CFAP299: variants seen among roughly 807,000 people sequenced by gnomAD.
CFAP299 encodes cilia- and flagella-associated protein 299.
CFAP299 carries 21 observed loss-of-function variants against 27.0 expected under a neutral mutation model. The ratio of observed to expected loss-of-function variants is 0.78; its 90% CI spans 0.55 to 1.12. The LOEUF (loss-of-function observed/expected upper bound fraction) is 1.12. CFAP299 is among the 50% of genes most tolerant of loss of function. CFAP299 has a pLI of 0.00. For missense variants in CFAP299, 310 were observed against 276.6 expected, an observed-to-expected ratio of 1.12 and a Z score of -0.86; for synonymous variants, 104 against 98.1, an observed-to-expected ratio of 1.06 and a Z score of -0.36.
chr4:80,949,638 G>C (rs1347134409), intron 5 of CFAP299, among the ~76,000 whole-genome samples: 1 of 151,294 alleles, frequency 6.6e-6, no homozygotes, highest in Non-Finnish European at 1.5e-5. Context: ...GAGGGAAAGG[G>C]AGTCAATATC....
At chr4:80,776,589 G>T (rs867882354) in intron 3 of CFAP299, among the ~76,000 whole-genome samples, 1 of 151,968 alleles carries the variant, frequency 6.6e-6, no homozygotes, top group Non-Finnish European at 1.5e-5. Flanking sequence ...CCTGTCGGGG[G>T]ATGAGGGCAA....
intron 2 of CFAP299, among the ~76,000 whole-genome samples, chr4:80,502,865 T>C (rs902379286): frequency 6.6e-6 from 1 of 152,260 alleles, no homozygotes; most frequent in Admixed American, 6.6e-5. Flanking sequence ...CTCAGGACTC[T>C]GGTTTACCCA....
Position 80,949,546 on chromosome 4 carries a change from C to CAA in CFAP299, c.606+4617_606+4618dup, listed in dbSNP as rs66476856. On this transcript the variant is annotated intron_variant, in intron 5 of 5. Coordinates refer to ENST00000358105, the MANE Select transcript of CFAP299 (RefSeq NM_152770.3). ...TAATAAAATTTAAAAACAACAACAA[C>CAA]AAAAAAAAAAAGAAGCAGGATCATA... Among the ~76,000 whole-genome samples the CAA allele has an allele frequency of 1.7e-3, 72 of 43,040 alleles. 1 individual carries two copies. The highest frequency in any genetic ancestry group is 0.011 in the East Asian group (20 of 1,904). 28.2% of individuals were successfully genotyped at this position (43,040 alleles called of 152,430 possible).
chr4:80,754,572 G>T (rs1725127487), intron 3 of CFAP299, among the ~76,000 whole-genome samples: 2 of 151,472 alleles, frequency 1.3e-5, no homozygotes, highest in Non-Finnish European at 2.9e-5. Context: ...TTTTTACAGT[G>T]GTTGCTCTTA....
At chr4:80,890,072 G>A (rs1578215397) in intron 4 of CFAP299, among the ~76,000 whole-genome samples, 1 of 152,158 alleles carries the variant, frequency 6.6e-6, no homozygotes, top group African/African-American at 2.4e-5. Context: ...TCAGGAACAT[G>A]ATAATGATGT....
At chr4:80,663,351 G>A (rs1388691712) in intron 3 of CFAP299, among the ~76,000 whole-genome samples, 1 of 151,630 alleles carries the variant, frequency 6.6e-6, no homozygotes, top group Non-Finnish European at 1.5e-5. Context: ...TGTTCTCATT[G>A]TTCAACCCCC....
chr4:80,618,971 A>G (rs760452213), intron 3 of CFAP299, among the ~76,000 whole-genome samples: 21 of 152,102 alleles, frequency 1.4e-4, no homozygotes, highest in Non-Finnish European at 1.5e-4. Context: ...GAGGAGTATG[A>G]CACCTGTATG....
intron 2 of CFAP299, among the ~76,000 whole-genome samples, chr4:80,568,504 AAGAG>A (rs1244993326): frequency 6.6e-6 from 1 of 152,166 alleles, no homozygotes; most frequent in African/African-American, 2.4e-5. Flanking sequence ...AAGTTGTTGA[AAGAG>A]AGATGACAGT....
chr4:80,680,345 G>A (rs887655394), intron 3 of CFAP299, among the ~76,000 whole-genome samples: 14 of 151,918 alleles, frequency 9.2e-5, no homozygotes, highest in African/African-American at 2.7e-4. Flanking sequence ...TACTTCTAGC[G>A]TAAATCTCAG....
intron 3 of CFAP299, among the ~76,000 whole-genome samples, chr4:80,717,894 A>G (rs1253479116): frequency 6.6e-6 from 1 of 152,124 alleles, no homozygotes; most frequent in African/African-American, 2.4e-5. Flanking sequence ...TTTCACAAAG[A>G]TGTTTTCATT....
At chr4:80,799,708 T>TA (rs1674006110) in intron 3 of CFAP299, among the ~76,000 whole-genome samples, 1 of 55,602 alleles carries the variant, frequency 1.8e-5, no homozygotes, top group African/African-American at 8.2e-5. Context: ...AAAATATATA[T>TA]TTTATATATT....
intron 3 of CFAP299, among the ~76,000 whole-genome samples, chr4:80,728,766 G>T (rs955649902): frequency 1.3e-5 from 2 of 152,232 alleles, no homozygotes; most frequent in Admixed American, 1.3e-4. Context: ...TATCCTAACT[G>T]CGTGCTACCC....
chr4:80,480,991 T>G (rs181869412), intron 2 of CFAP299, among the ~76,000 whole-genome samples: 128 of 152,182 alleles, frequency 8.4e-4, no homozygotes, highest in Non-Finnish European at 1.5e-3. Flanking sequence ...TATATATTAT[T>G]TTATATTCAT....
At chr4:80,812,756 A>G (rs1729222088) in intron 3 of CFAP299, among the ~76,000 whole-genome samples, 1 of 152,122 alleles carries the variant, frequency 6.6e-6, no homozygotes, top group Non-Finnish European at 1.5e-5. Context: ...CAGAGGAAAT[A>G]CTTTAGTTGA....
chr4:80,386,746 G>T, intron 2 of CFAP299: 1 of 1,495,256 alleles, frequency 6.7e-7, no homozygotes, highest in Non-Finnish European at 9.3e-7. Context: ...AGAGGACATG[G>T]GCCTTCAGCT....
chr4:80,494,185 C>G (rs1461653271), intron 2 of CFAP299, among the ~76,000 whole-genome samples: 3 of 152,052 alleles, frequency 2.0e-5, no homozygotes, highest in African/African-American at 7.2e-5. Context: ...AAAAGAGACC[C>G]TAGATTCCTT....
intron 2 of CFAP299, among the ~76,000 whole-genome samples, chr4:80,532,898 A>G (rs1462571900): frequency 6.6e-6 from 1 of 152,248 alleles, no homozygotes; most frequent in African/African-American, 2.4e-5. Context: ...AGGACCTCCC[A>G]CAAAGGGAAA....
chr4:80,948,440 ACACCCACCAAAATGTTTC>A (rs11274270), intron 5 of CFAP299, among the ~76,000 whole-genome samples: 108,257 of 151,984 alleles, frequency 0.71, 41,336 homozygotes, highest in Non-Finnish European at 0.86. Context: ...TGAGTGATTC[ACACCCACCAAAATGTTTC>A]CAGTGTATTA....
intron 3 of CFAP299, among the ~76,000 whole-genome samples, chr4:80,864,449 C>T (rs1732574967): frequency 2.2e-5 from 3 of 137,628 alleles, no homozygotes; most frequent in African/African-American, 8.2e-5. Flanking sequence ...TATATATATA[C>T]CTATATAAGT....
Sources: allele counts gnomAD v4.1 joint callset (sites outside exome capture counted in the v4.1 genomes callset), GRCh38; gene constraint gnomAD v4.1.1; transcripts MANE v1.5; gene names NCBI Gene and HGNC (gene_info 2026-07-23, HGNC 2026-07-21).